Variants in MICAL3 observed in about 807,000 individuals in gnomAD.
MICAL3 encodes the protein microtubule associated monooxygenase, calponin and LIM domain containing 3.
MICAL3 carries 62 observed loss-of-function variants against 207.4 expected under a neutral mutation model. The observed-to-expected ratio is 0.30, with a 90% CI of 0.24 to 0.37. The LOEUF is 0.37. Among genes scored for constraint, MICAL3 ranks in the 10% least tolerant of loss-of-function variants. The probability of loss-of-function intolerance (pLI) is 1.00; values close to 1 mark genes in which losing one functional copy is unlikely to be tolerated. For missense variants in MICAL3, 2,368 were observed against 2,635.6 expected, an observed-to-expected ratio of 0.90 and a Z score of 2.22; for synonymous variants, 1,077 against 1,069.3, an observed-to-expected ratio of 1.01 and a Z score of -0.14.
At chr22:17,986,124 CT>C in intron 1 of MICAL3, among the ~76,000 whole-genome samples, 1 of 152,152 alleles carries the variant, frequency 6.6e-6, no homozygotes, top group South Asian at 2.1e-4. Flanking sequence ...CCAGTCTGAT[CT>C]TGAACTCCTG....
intron 1 of MICAL3, among the ~76,000 whole-genome samples, chr22:17,917,216 A>C (rs1402590289): frequency 6.6e-6 from 1 of 152,090 alleles, no homozygotes; most frequent in Non-Finnish European, 1.5e-5. Context: ...TTGTGCGACC[A>C]ATCACTTGTG....
chr22:17,946,270 C>T (rs375782223), intron 1 of MICAL3, among the ~76,000 whole-genome samples: 1 of 152,230 alleles, frequency 6.6e-6, no homozygotes, highest in South Asian at 2.1e-4. Context: ...CCCCTACTTC[C>T]GAAAAGAACA....
intron 19 of MICAL3, among the ~76,000 whole-genome samples, chr22:17,859,617 G>A (rs560630825): frequency 6.6e-6 from 1 of 152,362 alleles, no homozygotes; most frequent in South Asian, 2.1e-4. Flanking sequence ...GCATGAGAGA[G>A]AAATCAGCTC....
intron 15 of MICAL3, among the ~76,000 whole-genome samples, 190 bp downstream of exon 15, chr22:17,886,978 ACT>A (rs1202864071): frequency 3.8e-5 from 5 of 131,830 alleles, no homozygotes; most frequent in African/African-American, 1.4e-4. Context: ...ATGGAGAAAG[ACT>A]CTTGTCTCAA....
At position 17,841,859 on chromosome 22, in the gene MICAL3, C is replaced by G; in HGVS notation, c.2764G>C (p.Val922Leu). The G allele has an allele frequency of 6.4e-7, 1 of 1,568,072 alleles. No homozygotes were observed. The highest frequency in any genetic ancestry group is 8.6e-7 in the Non-Finnish European group (1 of 1,159,576). ...TCCTCCTCGGCGCCCGTGTCCAGCACGCTGCTCAGGTTGTGCTCGGCCTGA... is the reference window on the plus strand; with the variant it reads ...TCCTCCTCGGCGCCCGTGTCCAGCAGGCTGCTCAGGTTGTGCTCGGCCTGA... ...ETQAEHNLSS[V>L]LDTGAEEDVA... The change falls in exon 20 of 32, where the codon GTG (valine) becomes CTG (leucine). Residue 922 changes from valine (V) to leucine (L), a missense_variant. Val to Leu is a conservative substitution (Grantham distance 32). Around this residue, in one of 4 missense-constraint regions of MICAL3, gnomAD observed 1,770 missense variants for 1,863.2 expected, o/e 0.95. Transcript: ENST00000441493. This position sits in a 1 kb window ranked among gnomAD's most constrained non-coding sequence, Gnocchi z 4.2.
At chr22:18,010,850 T>C (rs566311506) in intron 1 of MICAL3, among the ~76,000 whole-genome samples, 4 of 152,154 alleles carry the variant, frequency 2.6e-5, no homozygotes, top group Non-Finnish European at 5.9e-5. Context: ...TGCTTATTTG[T>C]ACTTTTTCAT....
chr22:17,792,895 C>G (rs1569065488), intron 29 of MICAL3, among the ~76,000 whole-genome samples: 1 of 152,244 alleles, frequency 6.6e-6, no homozygotes, highest in East Asian at 1.9e-4. Flanking sequence ...AGCCCCCACT[C>G]AGTTCCATGC....
intron 1 of MICAL3, among the ~76,000 whole-genome samples, chr22:17,995,810 C>T (rs1354043123): frequency 6.6e-6 from 1 of 151,934 alleles, no homozygotes; most frequent in African/African-American, 2.4e-5. Context: ...CACCTGGCCT[C>T]TTTTCTTTTT....
Position 17,985,500 on chromosome 22 carries a change from G to T in MICAL3, c.-75+38781C>A, listed in dbSNP as rs550813075. Among the ~76,000 whole-genome samples, 13 of 152,260 alleles carry T rather than the reference G, an allele frequency of 8.5e-5. No homozygotes were observed. In the South Asian group the frequency reaches 2.7e-3, roughly 32 times the overall value. ...AGCAGGTCCTGCCAGGGAAGCTTCT[G>T]ACACCTCTGTCACTGGTCCTCCTAC... On this transcript the variant is annotated intron_variant, in intron 1 of 31. Transcript: ENST00000441493.
At chr22:17,870,505 G>GCA (rs1042046756) in intron 17 of MICAL3, among the ~76,000 whole-genome samples, 4 of 152,150 alleles carry the variant, frequency 2.6e-5, no homozygotes, top group African/African-American at 9.7e-5. Flanking sequence ...CAGCAAAGAT[G>GCA]CACACACACA....
rs1199984873 is a variant in MICAL3, at chr22:17,899,490, T to G, written c.906A>C (p.Thr302=). 6.2e-7 allele frequency: 1 copy of G among 1,610,500 alleles called. No individual in the cohort carries two copies. The highest frequency in any genetic ancestry group is 1.3e-5 in the African/African-American group (1 of 74,914). Residue 302 remains threonine, a synonymous_variant, in exon 7 of 32, where the codon ACA becomes ACC. Coordinates refer to ENST00000441493, the MANE Select transcript of MICAL3 (RefSeq NM_015241.3). ...TGTCCAGCAAACTCTGCTTTTTGGC[T>G]GTCATAACGAAATAGTGTGTGTCAT... ...YKDDTHYFVM[T]AKKQSLLDKG...
At chr22:17,996,131 A>AT (rs1325819190) in intron 1 of MICAL3, among the ~76,000 whole-genome samples, 2 of 128,520 alleles carry the variant, frequency 1.6e-5, no homozygotes, top group African/African-American at 5.9e-5. Context: ...TGCTGTCTCA[A>AT]TTTAAAAAAA....
intron 10 of MICAL3, among the ~76,000 whole-genome samples, 172 bp downstream of exon 10, chr22:17,895,112 T>G (rs908668875): frequency 3.3e-5 from 5 of 152,248 alleles, no homozygotes; most frequent in African/African-American, 9.6e-5. Context: ...GCTCTCAATC[T>G]GTTGATGGAA....
chr22:17,802,962 C>T (rs925321518), intron 29 of MICAL3, among the ~76,000 whole-genome samples: 2 of 152,176 alleles, frequency 1.3e-5, no homozygotes, highest in African/African-American at 4.8e-5. Context: ...TTCCTCTGAA[C>T]TAACACAAAT....
intron 1 of MICAL3, among the ~76,000 whole-genome samples, chr22:17,941,317 A>G (rs1486990248): frequency 6.6e-6 from 1 of 152,242 alleles, no homozygotes; most frequent in Non-Finnish European, 1.5e-5. Context: ...AAAACTAGTC[A>G]TTATGGGGTG....
intron 1 of MICAL3, among the ~76,000 whole-genome samples, chr22:17,993,557 G>A (rs1400128825): frequency 6.6e-6 from 1 of 152,054 alleles, no homozygotes; most frequent in Non-Finnish European, 1.5e-5. Flanking sequence ...TCTTTTCCAG[G>A]AGCAGGGCAG....
intron 19 of MICAL3, 166 bp downstream of exon 19, chr22:17,864,733 C>A: frequency 1.2e-6 from 2 of 1,613,676 alleles, no homozygotes; most frequent in Non-Finnish European, 1.7e-6. Context: ...AAAGGGGACT[C>A]CGAACGCAAG....
chr22:17,899,945 G>C (rs1569124330), intron 6 of MICAL3, among the ~76,000 whole-genome samples: 1 of 152,220 alleles, frequency 6.6e-6, no homozygotes, highest in Non-Finnish European at 1.5e-5. Context: ...TAGACAACTT[G>C]ACGCCTGGAA....
chr22:17,896,335 T>C lies in MICAL3; in HGVS notation c.1233A>G (p.Ile411Met). The C allele has an allele frequency of 6.4e-7, 1 of 1,557,598 alleles. No individual in the cohort carries two copies. Among genetic ancestry groups the C allele is most frequent in the Non-Finnish European group, 8.7e-7 (1 of 1,150,028 alleles). ...LEPFWPMGTG[I>M]ARGFLAAMDS... ...CCATAGCAGCTAGAAAGCCCCGGGCTATTCCTGTTCCCATTGGCCAGAAAG... is the reference window on the plus strand; with the variant it reads ...CCATAGCAGCTAGAAAGCCCCGGGCCATTCCTGTTCCCATTGGCCAGAAAG... The change falls in exon 9 of 32, where the codon ATA (isoleucine) becomes ATG (methionine). Residue 411 changes from isoleucine to methionine, a missense_variant. Coordinates refer to ENST00000441493, the MANE Select transcript of MICAL3 (RefSeq NM_015241.3).
Sources: gnomAD v4.1 joint callset for allele counts (sites outside exome capture counted in the v4.1 genomes callset) on GRCh38, gnomAD v4.1.1 for gene constraint, gnomAD v4.1.1 regional missense constraint, Gnocchi (gnomAD v3.1) non-coding constraint, MANE v1.5 for transcripts, NCBI Gene and HGNC (gene_info 2026-07-23, HGNC 2026-07-21) for gene names.